Variants in VAV2 observed in about 807,000 individuals in gnomAD.
VAV2 encodes vav guanine nucleotide exchange factor 2.
In VAV2, 67 loss-of-function variants were observed where a neutral mutation model predicts 132.5. The observed-to-expected ratio is 0.51, with a 90% CI of 0.42 to 0.62. VAV2 has a LOEUF of 0.62. VAV2 is among the 20% of genes least tolerant of loss of function. The pLI is 0.00. For missense variants in VAV2, 938 were observed against 1,153.6 expected (o/e 0.81, Z 2.71); for synonymous variants, 492 against 443.5 (o/e 1.11, Z -1.37).
In VAV2 at chr9:133,803,825, G is replaced by A. The variant is rs565634387; in HGVS notation, c.836+2256C>T. 3.2e-3 allele frequency among the ~76,000 whole-genome samples: 481 copies of A among 152,226 alleles called. 3 individuals carry two copies. The highest frequency in any genetic ancestry group is 0.011 in the African/African-American group (469 of 41,522). On this transcript the variant is annotated intron_variant, in intron 9 of 29. Transcript: ENST00000371850. Reference sequence around the variant, plus strand: ...TCTAAATCCTTCCTTTGGCCTGGAAGCCCCTGCAGGACCCTCCAGCCCTTC... The same window carrying A: ...TCTAAATCCTTCCTTTGGCCTGGAAACCCCTGCAGGACCCTCCAGCCCTTC...
chr9:133,962,567 C>T (rs566588368), intron 1 of VAV2, among the ~76,000 whole-genome samples: 1 of 152,116 alleles, frequency 6.6e-6, no homozygotes, highest in African/African-American at 2.4e-5. Flanking sequence ...CCTGGGACGC[C>T]CACCCAGGCC....
intron 3 of VAV2, among the ~76,000 whole-genome samples, chr9:133,858,004 T>G (rs1430932727): frequency 6.6e-6 from 1 of 152,226 alleles, no homozygotes; most frequent in African/African-American, 2.4e-5. Flanking sequence ...TCGTCTCTCA[T>G]GTCTGCCTAT....
At chr9:133,765,831 A>C (rs1833411556) in intron 29 of VAV2, among the ~76,000 whole-genome samples, 1 of 152,246 alleles carries the variant, frequency 6.6e-6, no homozygotes, top group Non-Finnish European at 1.5e-5. Context: ...ACACACACAC[A>C]CACAGTGCAA....
At chr9:133,797,585 A>T in intron 10 of VAV2, 125 bp downstream of exon 10, 1 of 822,702 alleles carries the variant, frequency 1.2e-6, no homozygotes, top group Non-Finnish European at 1.9e-6. Context: ...AAAAACCATT[A>T]CGTCATCACC....
chr9:133,847,059 G>A (rs958044333), intron 3 of VAV2, among the ~76,000 whole-genome samples: 1 of 152,214 alleles, frequency 6.6e-6, no homozygotes, highest in African/African-American at 2.4e-5. Context: ...AGGGCCAGCT[G>A]TCCAGGCCCC....
rs1186578652 is a variant in VAV2, at chr9:133,887,603, C to T, written c.322-26171G>A. The stretch of plus-strand genomic sequence containing the variant: ...CACCGTCACACACACATTCCCCACG[C>T]GCCTCCCTGGGGACACCACGGACTC... On this transcript the variant is annotated intron_variant, in intron 2 of 29. Coordinates refer to ENST00000371850, the MANE Select transcript of VAV2 (RefSeq NM_001134398.2). Among the ~76,000 whole-genome samples the T allele has an allele frequency of 3.9e-5, 6 of 152,032 alleles. 1 individual carries two copies. Among genetic ancestry groups the T allele is most frequent in the East Asian group, 1.9e-4 (1 of 5,180 alleles).
intron 1 of VAV2, among the ~76,000 whole-genome samples, chr9:133,963,370 G>A (rs1280211730): frequency 2.6e-5 from 4 of 152,214 alleles, no homozygotes; most frequent in Non-Finnish European, 2.9e-5. Context: ...ATCAAGCAGG[G>A]AGGGCTGGGG....
chr9:133,986,744 A>C (rs1418644935), intron 1 of VAV2, among the ~76,000 whole-genome samples: 3 of 152,216 alleles, frequency 2.0e-5, no homozygotes, highest in Non-Finnish European at 4.4e-5. Flanking sequence ...CTTCTTTGCA[A>C]CCAGCATTCC....
intron 1 of VAV2, among the ~76,000 whole-genome samples, chr9:133,946,245 G>A (rs1841355649): frequency 6.6e-6 from 1 of 152,200 alleles, no homozygotes; most frequent in African/African-American, 2.4e-5. Context: ...ACTGGGGGAG[G>A]GACACAGGCC....
intron 18 of VAV2, among the ~76,000 whole-genome samples, chr9:133,784,009 T>C (rs1265621381): frequency 6.6e-6 from 1 of 151,450 alleles, no homozygotes; most frequent in African/African-American, 2.4e-5. Flanking sequence ...GCCTCCCGAG[T>C]AGCTGGGGCC....
intron 7 of VAV2, 142 bp from the exon 8 acceptor site, chr9:133,807,468 C>A: frequency 1.3e-6 from 1 of 773,622 alleles, no homozygotes; most frequent in Non-Finnish European, 2.0e-6. Flanking sequence ...TGTGTTCTGG[C>A]CACATCGGGC....
intron 4 of VAV2, among the ~76,000 whole-genome samples, chr9:133,818,110 A>C (rs1433024514): frequency 6.6e-6 from 1 of 152,188 alleles, no homozygotes. Flanking sequence ...CACGCCTGTA[A>C]TCTCAGCACT....
chr9:133,818,598 C>T (rs541598201), intron 4 of VAV2, among the ~76,000 whole-genome samples: 16 of 152,182 alleles, frequency 1.1e-4, no homozygotes, highest in Non-Finnish European at 2.1e-4. Context: ...AAATCACTGG[C>T]TTTCCTGGGT....
chr9:133,921,763 C>A (rs1194018755), intron 2 of VAV2, among the ~76,000 whole-genome samples: 3 of 152,262 alleles, frequency 2.0e-5, no homozygotes, highest in African/African-American at 7.2e-5. Context: ...CTCGGCCACA[C>A]ACAAGGACCC....
At chr9:133,871,405 G>A (rs895703537) in intron 2 of VAV2, among the ~76,000 whole-genome samples, 1 of 148,434 alleles carries the variant, frequency 6.7e-6, no homozygotes, top group Non-Finnish European at 1.5e-5. Flanking sequence ...TGGACGGACG[G>A]ATGGATGGAT....
At chr9:133,791,920 T>G (rs530373308) in intron 12 of VAV2, 51 bp from the exon 13 acceptor site, 60 of 1,441,500 alleles carry the variant, frequency 4.2e-5, no homozygotes, top group Non-Finnish European at 5.8e-5. Context: ...GGGGTGTGTG[T>G]GACTGTGTGT....
chr9:133,876,033 C>G (rs1245257421), intron 2 of VAV2, among the ~76,000 whole-genome samples: 2 of 152,268 alleles, frequency 1.3e-5, no homozygotes, highest in African/African-American at 4.8e-5. Flanking sequence ...TCGTCGTTCT[C>G]AGGCCTTTGG....
At chr9:133,798,560 A>G (rs986840206) in intron 9 of VAV2, among the ~76,000 whole-genome samples, 1 of 152,168 alleles carries the variant, frequency 6.6e-6, no homozygotes, top group East Asian at 1.9e-4. Flanking sequence ...ACTGGAACCC[A>G]GGGTTCCCGG....
chr9:133,864,736 C>T (rs554584646), intron 2 of VAV2, among the ~76,000 whole-genome samples: 3 of 152,340 alleles, frequency 2.0e-5, no homozygotes, highest in South Asian at 2.1e-4. Flanking sequence ...AGACGGGTAA[C>T]GCCACAGACT....
Sources: gnomAD v4.1 joint callset for allele counts (sites outside exome capture counted in the v4.1 genomes callset) on GRCh38, gnomAD v4.1.1 for gene constraint, MANE v1.5 for transcripts, NCBI Gene and HGNC (gene_info 2026-07-23, HGNC 2026-07-21) for gene names.